The following RNF213 variants were observed in gnomAD, a reference collection of about 807,000 sequenced individuals.
The protein encoded by RNF213 is E3 ubiquitin-protein ligase RNF213.
Under a neutral mutation model 514.4 loss-of-function variants are expected in RNF213, and 341 were observed. The ratio of observed to expected loss-of-function variants is 0.66; its 90% CI spans 0.61 to 0.73. The LOEUF is 0.73. Among genes scored for constraint, RNF213 ranks in the 30% least tolerant of loss-of-function variants. The pLI, the probability that RNF213 is intolerant of heterozygous loss-of-function variation, is 0.00. For missense variants in RNF213, 5,767 were observed against 6,615.6 expected (o/e 0.87, Z 4.45); for synonymous variants, 2,655 against 2,658.2 (o/e 1.00, Z 0.04).
At chr17:80,380,711 G>GC (rs2079959268) in intron 55 of RNF213, 120 bp from the exon 56 acceptor site, 11 of 1,174,140 alleles carry the variant, frequency 9.4e-6, no homozygotes, top group Middle Eastern at 2.1e-4. Flanking sequence ...TTGTGGAACA[G>GC]CAAGTACTCT....
At chr17:80,389,051 C>A in intron 64 of RNF213, 122 bp from the exon 65 acceptor site, 1 of 917,448 alleles carries the variant, frequency 1.1e-6, no homozygotes, top group African/African-American at 1.6e-5. Flanking sequence ...CAAGTGTCAG[C>A]TGTTAGAGAG....
rs745648896 is a variant in RNF213 at position 80,360,112 on chromosome 17, C to T, written c.11106C>T (p.Ser3702=). The change falls in exon 38 of 68, where the codon TCC becomes TCT. Residue 3702 remains serine (S), a synonymous_variant. Transcript: ENST00000582970. ...TGGTGCAGAACCACATGAACCTTTC[C>T]GAGAACGCTTCCAACAACGTCCCTT... ...YIVVQNHMNL[S]ENASNNVPFS... 1.7e-5 allele frequency: 27 copies of T among 1,613,990 alleles called. 1 individual carries two copies. Among genetic ancestry groups the T allele is most frequent in the African/African-American group, 9.3e-5 (7 of 74,884 alleles).
In RNF213 at chr17:80,353,464, T is replaced by C; in HGVS notation, c.10424-48T>C. ...CCCAGATGGCACCGCTGCCAGTCCC[T>C]GTGCCACCTTCTGAGTGGTAACGCA... On this transcript the variant is annotated intron_variant, in intron 33 of 67. Transcript: ENST00000582970. The surrounding 1 kb of genome is among the most constrained non-coding windows in gnomAD (Gnocchi z 5.0). The C allele has an allele frequency of 1.3e-6, 2 of 1,567,736 alleles. No individual in the cohort carries two copies. Among genetic ancestry groups the C allele is most frequent in the South Asian group, 1.2e-5 (1 of 85,860 alleles).
intron 3 of RNF213, among the ~76,000 whole-genome samples, chr17:80,287,459 C>T (rs2044511941): frequency 6.6e-6 from 1 of 152,204 alleles, no homozygotes; most frequent in Non-Finnish European, 1.5e-5. Context: ...GCTGGGTTTG[C>T]ACCCTGCACT....
At chr17:80,305,197 T>TTTTTTTTTTTTTTA (rs1598966815) in intron 11 of RNF213, among the ~76,000 whole-genome samples, 8 of 150,910 alleles carry the variant, frequency 5.3e-5, no homozygotes, top group East Asian at 1.9e-4. Context: ...TTTTTTTTTT[T>TTTTTTTTTTTTTTA]GAGACAGTTT....
chr17:80,357,599 C>T (rs1005672292), intron 36 of RNF213, among the ~76,000 whole-genome samples: 4 of 152,166 alleles, frequency 2.6e-5, no homozygotes, highest in East Asian at 1.9e-4. Flanking sequence ...CCAAATGAAT[C>T]GTCATAATTT....
chr17:80,389,315 T>G lies in RNF213; in HGVS notation c.15143T>G (p.Val5048Gly). ...AGGDPNMQLN[V>G]YTQDILQMGD... ...GGGGATCCAAACATGCAGCTGAATGTGTATACTCAAGACATCCTGCAAATG... is the reference window on the plus strand; with the variant it reads ...GGGGATCCAAACATGCAGCTGAATGGGTATACTCAAGACATCCTGCAAATG... The change falls in exon 65 of 68, where the codon GTG becomes GGG. Residue 5048 changes from valine to glycine, a missense_variant. Physicochemically the swap from Val to Gly is moderately radical, Grantham distance 109. Coordinates refer to ENST00000582970, the MANE Select transcript of RNF213 (RefSeq NM_001256071.3). 3 of 1,614,186 alleles carry G rather than the reference T, an allele frequency of 1.9e-6. No homozygotes were observed. Among genetic ancestry groups the G allele is most frequent in the Non-Finnish European group, 2.5e-6 (3 of 1,180,036 alleles).
intron 13 of RNF213, 82 bp downstream of exon 13, chr17:80,307,283 C>A: frequency 8.4e-7 from 1 of 1,187,700 alleles, no homozygotes; most frequent in Non-Finnish European, 1.3e-6. Flanking sequence ...GGCCGTGACC[C>A]ACATGTGCTG....
At chr17:80,331,842 C>T (rs888283991) in intron 20 of RNF213, among the ~76,000 whole-genome samples, 164 bp from the exon 21 acceptor site, 1 of 152,192 alleles carries the variant, frequency 6.6e-6, no homozygotes, top group Non-Finnish European at 1.5e-5. Flanking sequence ...CAAGGCCAAG[C>T]GGGGAGGGAA....
At chr17:80,262,868 G>A (rs2043472549) in intron 1 of RNF213, among the ~76,000 whole-genome samples, 1 of 152,166 alleles carries the variant, frequency 6.6e-6, no homozygotes, top group South Asian at 2.1e-4. Flanking sequence ...GGCTGCTGAA[G>A]GCACCAGTCA....
In RNF213 at chr17:80,397,760, C is replaced by G. The variant is rs796776110; in HGVS notation, c.*4262C>G. 1 of 151,246 alleles carries G rather than the reference C, an allele frequency of 6.6e-6. No homozygotes were observed. Among genetic ancestry groups the G allele is most frequent in the African/African-American group, 2.4e-5 (1 of 41,084 alleles). 9.4% of individuals were successfully genotyped at this position (151,246 alleles called of 1,614,324 possible). A position where few individuals can be genotyped will look rare whatever the true frequency, so the allele number is the denominator to read the frequency against. On this transcript the variant is annotated 3_prime_UTR_variant, in exon 68 of 68. Transcript: ENST00000582970. The stretch of plus-strand genomic sequence containing the variant: ...CTTTAACTCGTGTCTGAGGGGTTTT[C>G]TCTGCAGCTTGTCCTGCTACATTTC...
At chr17:80,273,199 C>T (rs767059655) in intron 2 of RNF213, 42 bp from the exon 3 acceptor site, 7 of 1,611,812 alleles carry the variant, frequency 4.3e-6, no homozygotes, top group Non-Finnish European at 5.9e-6. Context: ...CTAACACTCG[C>T]TTCTCTCTGA....
chr17:80,379,570 T>A lies in RNF213; in HGVS notation c.13546-50T>A, dbSNP rs1272880536. The A allele has an allele frequency of 2.6e-6, 4 of 1,529,708 alleles. No individual in the cohort carries two copies. In the African/African-American group the frequency reaches 5.5e-5, roughly 21 times the overall value. 94.8% of individuals were successfully genotyped at this position (1,529,708 alleles called of 1,614,324 possible). A position where few individuals can be genotyped will look rare whatever the true frequency, so the allele number is the denominator to read the frequency against. On this transcript the variant is annotated intron_variant, in intron 54 of 67. Transcript: ENST00000582970. ...TCATTTGCATGATGGCATTTGTGCA[T>A]AAAATGGTACTGCTCCAGAAGTGGT...
intron 11 of RNF213, among the ~76,000 whole-genome samples, chr17:80,304,517 G>A (rs1424544054): frequency 9.2e-5 from 14 of 152,042 alleles, no homozygotes; most frequent in Admixed American, 6.6e-5. Flanking sequence ...GCAGGCGCCT[G>A]TAGTCACAGC....
chr17:80,283,487 A>G (rs1333005392), intron 3 of RNF213, among the ~76,000 whole-genome samples: 4 of 152,218 alleles, frequency 2.6e-5, no homozygotes, highest in African/African-American at 9.6e-5. Flanking sequence ...GTCTTTCCAC[A>G]GCCCCGTGTT....
In RNF213 at chr17:80,343,278, C is replaced by T; in HGVS notation, c.6136C>T (p.Gln2046Ter). ...CGCCCTGCTGCCCTTCCTGGATGCG[C>T]AGTATCAGAAGGTCCCCGTGCTCTT... ...LGALLPFLDA[Q>*]YQKVPVLFHL... Residue 2046 changes from glutamine to a stop codon, truncating the protein, a stop_gained, in exon 27 of 68, where the codon CAG becomes TAG. Coordinates refer to ENST00000582970, the MANE Select transcript of RNF213 (RefSeq NM_001256071.3). LOFTEE classifies it high-confidence loss of function. The surrounding 1 kb of genome is among the most constrained non-coding windows in gnomAD (Gnocchi z 4.3). 1 of 1,613,614 alleles carries T rather than the reference C, an allele frequency of 6.2e-7. No homozygotes were observed. Among genetic ancestry groups the T allele is most frequent in the Non-Finnish European group, 8.5e-7 (1 of 1,179,846 alleles).
chr17:80,334,943 C>G, intron 22 of RNF213, among the ~76,000 whole-genome samples: 1 of 141,480 alleles, frequency 7.1e-6, no homozygotes, highest in East Asian at 2.2e-4. Context: ...TTTTTTGAGA[C>G]GGAGTTTCGC....
intron 2 of RNF213, among the ~76,000 whole-genome samples, chr17:80,268,376 AAAAGG>A (rs2043681622): frequency 7.2e-6 from 1 of 138,360 alleles, no homozygotes. Context: ...AAAAAAAAAA[AAAAGG>A]CAGTACTGCA....
intron 37 of RNF213, 49 bp from the exon 38 acceptor site, chr17:80,360,012 G>C (rs1315348911): frequency 8.1e-6 from 13 of 1,600,764 alleles, no homozygotes; most frequent in Non-Finnish European, 1.1e-5. Context: ...CTTGTGTTTT[G>C]AGTGACGTCT....
Sources: allele counts gnomAD v4.1 joint callset (sites outside exome capture counted in the v4.1 genomes callset), GRCh38; gene constraint gnomAD v4.1.1; non-coding constraint Gnocchi (gnomAD v3.1); transcripts MANE v1.5; gene names NCBI Gene and HGNC (gene_info 2026-07-23, HGNC 2026-07-21).